Variants in ICA1L observed in about 807,000 individuals in gnomAD.
The protein encoded by ICA1L is islet cell autoantigen 1 like.
Under a neutral mutation model 61.3 loss-of-function variants are expected in ICA1L, and 50 were observed. That is an observed-to-expected ratio of 0.82 (90% confidence interval 0.65 to 1.03). The LOEUF (loss-of-function observed/expected upper bound fraction) is 1.03, where lower values mean the gene tolerates loss of function less well. Ranked by LOEUF, ICA1L falls within the 50% of genes least tolerant of loss-of-function variation. The pLI is 0.00. For missense variants in ICA1L, 508 were observed against 556.7 expected (o/e 0.91, Z 0.88); for synonymous variants, 161 against 191.3 (o/e 0.84, Z 1.31).
At chr2:202,802,535 C>T (rs1693110189) in intron 9 of ICA1L, among the ~76,000 whole-genome samples, 1 of 151,692 alleles carries the variant, frequency 6.6e-6, no homozygotes, top group Non-Finnish European at 1.5e-5. Context: ...AAAAATTGCA[C>T]ATTTAGACAC....
In ICA1L at chr2:202,788,854, A is replaced by T. The variant is rs1169857483; in HGVS notation, c.1219T>A (p.Phe407Ile). 6.2e-7 allele frequency: 1 copy of T among 1,614,122 alleles called. No homozygotes were observed. The highest frequency in any genetic ancestry group is 8.5e-7 in the Non-Finnish European group (1 of 1,180,004). ...FLPSQLFDLG[F>I]HVAGAFNNWV... ...CTGTTGAACGCTCCAGCCACATGAA[A>T]GCCAAGGTCAAAGAGTTGTGAAGGA... Residue 407 changes from phenylalanine to isoleucine, a missense_variant, in exon 11 of 13, where the codon TTT becomes ATT. Physicochemically the swap from Phe to Ile is conservative, Grantham distance 21. Coordinates refer to ENST00000358299, the MANE Select transcript of ICA1L (RefSeq NM_001288622.3).
Position 202,819,807 on chromosome 2 carries a change from C to T in ICA1L, c.452G>A (p.Arg151Gln), listed in dbSNP as rs201703507. The change falls in exon 5 of 13, where the codon CGG (arginine) becomes CAG (glutamine). Residue 151 changes from arginine (R) to glutamine (Q), a missense_variant. Transcript: ENST00000358299. ...AVSDTLMTIN[R>Q]MEQARTEYRG... Reference sequence around the variant, plus strand: ...GTATTCTGTGCGTGCCTGCTCCATCCGATTAATTGTCATCAAGGTATCAGA... The same window carrying T: ...GTATTCTGTGCGTGCCTGCTCCATCTGATTAATTGTCATCAAGGTATCAGA... 1.6e-5 allele frequency: 26 copies of T among 1,613,720 alleles called. No homozygotes were observed. The highest frequency in any genetic ancestry group is 2.2e-5 in the East Asian group (1 of 44,890).
intron 1 of ICA1L, among the ~76,000 whole-genome samples, chr2:202,869,040 TATCA>T (rs756074632): frequency 4.2e-4 from 63 of 150,830 alleles, no homozygotes; most frequent in Middle Eastern, 3.6e-3. Context: ...AAACTATCAA[TATCA>T]ATCCAAATCA....
At chr2:202,852,450 C>T (rs998193046) in intron 1 of ICA1L, among the ~76,000 whole-genome samples, 27 of 151,738 alleles carry the variant, frequency 1.8e-4, no homozygotes, top group Non-Finnish European at 4.0e-4. Context: ...GCGGGCGGAT[C>T]ACAAGGTCAG....
intron 1 of ICA1L, among the ~76,000 whole-genome samples, chr2:202,832,082 A>G (rs1574362811): frequency 6.6e-6 from 1 of 152,284 alleles, no homozygotes; most frequent in East Asian, 1.9e-4. Context: ...AGAGGAAATA[A>G]CTAAGTGAAG....
chr2:202,787,285 A>T (rs572587801), intron 11 of ICA1L, among the ~76,000 whole-genome samples: 9 of 152,334 alleles, frequency 5.9e-5, no homozygotes, highest in African/African-American at 2.2e-4. Flanking sequence ...TATTTTGAGT[A>T]GTGAAAAAAT....
chr2:202,869,372 G>GAAATA (rs377719994), intron 1 of ICA1L, among the ~76,000 whole-genome samples: 56 of 151,794 alleles, frequency 3.7e-4, no homozygotes, highest in Non-Finnish European at 6.9e-4. Context: ...AATAAAATAA[G>GAAATA]AAATAAAATA....
rs879570915 is a variant in ICA1L, at chr2:202,824,399, CA to C, written c.235+1295del. On this transcript the variant is annotated intron_variant, in intron 3 of 12. Coordinates refer to ENST00000358299, the MANE Select transcript of ICA1L (RefSeq NM_001288622.3). ...TGGGCGACAGAGTGAGACTCCACCTCAAAAAAAAAAAATTCTGTCCTTAAGG... is the reference window on the plus strand; with the variant it reads ...TGGGCGACAGAGTGAGACTCCACCTCAAAAAAAAAAATTCTGTCCTTAAGG... Among the ~76,000 whole-genome samples the C allele has an allele frequency of 6.7e-4, 93 of 137,826 alleles. No homozygotes were observed. In the East Asian group the frequency reaches 8.5e-3, roughly 13 times the overall value. 90.4% of individuals were successfully genotyped at this position (137,826 alleles called of 152,430 possible).
rs186871439 is a variant in ICA1L, at chr2:202,818,655, T to G, written c.558+1046A>C. Reference sequence around the variant, plus strand: ...GTGATAGTGAATAAGTCTCACGAGATCTGATGGTTTTAAAATGGAGAGTTT... The same window carrying G: ...GTGATAGTGAATAAGTCTCACGAGAGCTGATGGTTTTAAAATGGAGAGTTT... On this transcript the variant is annotated intron_variant, in intron 5 of 12. Coordinates refer to ENST00000358299, the MANE Select transcript of ICA1L (RefSeq NM_001288622.3). Among the ~76,000 whole-genome samples the G allele has an allele frequency of 3.1e-4, 47 of 152,002 alleles. No homozygotes were observed. The East Asian group carries it at 6.2e-3, about 20-fold the overall frequency.
In ICA1L at chr2:202,779,403, T is replaced by C; in HGVS notation, c.*130A>G. ...TGTGGTCTTTACCATCTGTCTAAAG[T>C]TGGCTGACAGGTGTTATATTCACAA... On this transcript the variant is annotated 3_prime_UTR_variant, in exon 13 of 13. Coordinates refer to ENST00000358299, the MANE Select transcript of ICA1L (RefSeq NM_001288622.3). The C allele has an allele frequency of 1.8e-6, 1 of 564,442 alleles. No homozygotes were observed. Among genetic ancestry groups the C allele is most frequent in the Non-Finnish European group, 3.1e-6 (1 of 320,786 alleles). The allele number at this position is 564,442 out of a possible 1,614,324, so 35.0% of individuals were successfully genotyped here. A position where few individuals can be genotyped will look rare whatever the true frequency, so the allele number is the denominator to read the frequency against.
intron 1 of ICA1L, among the ~76,000 whole-genome samples, chr2:202,842,870 C>A (rs1694369706): frequency 6.6e-6 from 1 of 152,088 alleles, no homozygotes; most frequent in South Asian, 2.1e-4. Context: ...TTGAAATAAT[C>A]TGTCTTTGAG....
intron 1 of ICA1L, among the ~76,000 whole-genome samples, chr2:202,843,600 A>G (rs901293854): frequency 2.6e-5 from 4 of 152,216 alleles, no homozygotes; most frequent in African/African-American, 9.6e-5. Context: ...GTGTGGAGGT[A>G]CTGCAGTTCT....
At chr2:202,791,609 G>A (rs1307563153) in intron 10 of ICA1L, among the ~76,000 whole-genome samples, 1 of 152,240 alleles carries the variant, frequency 6.6e-6, no homozygotes, top group Non-Finnish European at 1.5e-5. Flanking sequence ...CACTTTGGGA[G>A]GCTGAGGCAG....
At chr2:202,795,472 G>A (rs138517347) in intron 10 of ICA1L, among the ~76,000 whole-genome samples, 5,834 of 152,094 alleles carry the variant, frequency 0.038, 366 homozygotes, top group African/African-American at 0.13. Context: ...GCGGATGCCT[G>A]TAATCCCAGC....
At chr2:202,795,117 G>A (rs1333898189) in intron 10 of ICA1L, among the ~76,000 whole-genome samples, 2 of 130,570 alleles carry the variant, frequency 1.5e-5, no homozygotes, top group African/African-American at 5.8e-5. Flanking sequence ...TCAGCCTCCC[G>A]AGTAGCTGGG....
At chr2:202,832,241 A>C (rs1165648105) in intron 1 of ICA1L, among the ~76,000 whole-genome samples, 1 of 152,096 alleles carries the variant, frequency 6.6e-6, no homozygotes, top group Non-Finnish European at 1.5e-5. Context: ...GTATCCAATC[A>C]AAAAACACTA....
At chr2:202,804,225 C>T (rs945326077) in intron 9 of ICA1L, among the ~76,000 whole-genome samples, 2 of 152,156 alleles carry the variant, frequency 1.3e-5, no homozygotes, top group Non-Finnish European at 2.9e-5. Flanking sequence ...CCTATATTCT[C>T]CCTTGCCTTT....
Position 202,796,973 on chromosome 2 carries a change from A to G in ICA1L, c.911-9T>C, listed in dbSNP as rs1196676536. On this transcript the variant is annotated splice_polypyrimidine_tract_variant and intron_variant, in intron 9 of 12. Transcript: ENST00000358299. ...ATTGTGATCTTTGTTTGCTAAATCAAAAGCACATAAAAGAGAAGTTGAACA... is the reference window on the plus strand; with the variant it reads ...ATTGTGATCTTTGTTTGCTAAATCAGAAGCACATAAAAGAGAAGTTGAACA... 1 of 1,562,520 alleles carries G rather than the reference A, an allele frequency of 6.4e-7. No individual in the cohort carries two copies. Among genetic ancestry groups the G allele is most frequent in the Non-Finnish European group, 8.7e-7 (1 of 1,150,654 alleles).
At chr2:202,837,127 C>T (rs971560562) in intron 1 of ICA1L, among the ~76,000 whole-genome samples, 3 of 152,084 alleles carry the variant, frequency 2.0e-5, no homozygotes, top group Non-Finnish European at 4.4e-5. Flanking sequence ...TAGGCATGAG[C>T]CACTGCACCC....
Sources: allele counts gnomAD v4.1 joint callset (sites outside exome capture counted in the v4.1 genomes callset), GRCh38; gene constraint gnomAD v4.1.1; transcripts MANE v1.5; gene names NCBI Gene and HGNC (gene_info 2026-07-23, HGNC 2026-07-21).